STK3: variants seen among roughly 807,000 people sequenced by gnomAD.
The protein encoded by STK3 is serine/threonine-protein kinase 3.
STK3 carries 41 observed loss-of-function variants against 58.0 expected under a neutral mutation model. That is an observed-to-expected ratio of 0.71 (90% confidence interval 0.55 to 0.92). The LOEUF is 0.92. Ranked by LOEUF, STK3 falls within the 40% of genes least tolerant of loss-of-function variation. STK3 has a pLI of 0.00. For missense variants in STK3, 479 were observed against 602.7 expected, an observed-to-expected ratio of 0.79 and a Z score of 2.15; for synonymous variants, 170 against 191.0, an observed-to-expected ratio of 0.89 and a Z score of 0.91.
At chr8:98,674,828 TTTTC>T (rs1823082243) in intron 6 of STK3, among the ~76,000 whole-genome samples, 1 of 152,208 alleles carries the variant, frequency 6.6e-6, no homozygotes, top group Admixed American at 6.5e-5. Flanking sequence ...TGTTTTTTTG[TTTTC>T]TTTGTCATGA....
At chr8:98,686,943 A>C (rs1036836132) in intron 6 of STK3, among the ~76,000 whole-genome samples, 2 of 152,198 alleles carry the variant, frequency 1.3e-5, no homozygotes, top group South Asian at 4.1e-4. Context: ...AAATGACCAA[A>C]TATGTGACTT....
At chr8:98,651,715 G>A (rs1479294593) in intron 6 of STK3, 12 of 152,234 alleles carry the variant, frequency 7.9e-5, no homozygotes, top group African/African-American at 1.7e-4. Flanking sequence ...AGGAGCTGAT[G>A]TGATCAACTG....
In STK3 at chr8:98,866,590, G is replaced by A. The variant is rs75620676; in HGVS notation, c.110+17057C>T. On this transcript the variant is annotated intron_variant, in intron 3 of 12. Transcript: ENST00000523601. ...ACGCTGGAAAGAGTTTATTGAATAC[G>A]TACCGTGTGTCAGATGTTCTCTATA... Among the ~76,000 whole-genome samples, 22 of 152,282 alleles carry A rather than the reference G, an allele frequency of 1.4e-4. No individual in the cohort carries two copies. In the East Asian group the frequency reaches 2.1e-3, roughly 15 times the overall value.
intron 1 of STK3, among the ~76,000 whole-genome samples, chr8:98,442,032 A>G (rs1449840225): frequency 6.6e-6 from 1 of 152,148 alleles, no homozygotes; most frequent in African/African-American, 2.4e-5. Flanking sequence ...ACCCACTCCT[A>G]TTCCAATAAA....
chr8:98,540,208 A>G (rs1264783435), intron 9 of STK3, among the ~76,000 whole-genome samples: 1 of 152,224 alleles, frequency 6.6e-6, no homozygotes, highest in Non-Finnish European at 1.5e-5. Context: ...CTGAGAGCAG[A>G]GGGAAGCTGT....
At chr8:98,571,556 A>G (rs1812968642) in intron 8 of STK3, among the ~76,000 whole-genome samples, 1 of 152,194 alleles carries the variant, frequency 6.6e-6, no homozygotes, top group Non-Finnish European at 1.5e-5. Context: ...TTATTCAGAC[A>G]TTAAGGACCG....
At chr8:98,900,957 C>T (rs1053766647) in intron 1 of STK3, among the ~76,000 whole-genome samples, 5 of 152,102 alleles carry the variant, frequency 3.3e-5, no homozygotes, top group African/African-American at 1.2e-4. Context: ...CCACTGCACC[C>T]GGCCTATAGT....
chr8:98,862,454 T>C (rs370879061), intron 3 of STK3, among the ~76,000 whole-genome samples: 226 of 152,340 alleles, frequency 1.5e-3, no homozygotes, highest in African/African-American at 5.2e-3. Context: ...AAACATTTTT[T>C]ACACTGCCTG....
At chr8:98,416,561 G>A (rs1051470732) in intron 3 of STK3, among the ~76,000 whole-genome samples, 2 of 152,184 alleles carry the variant, frequency 1.3e-5, no homozygotes, top group African/African-American at 4.8e-5. Context: ...CAGTGCAGGT[G>A]GGAGAGGGTC....
At chr8:98,726,542 A>G (rs1194049923) in intron 4 of STK3, among the ~76,000 whole-genome samples, 1 of 152,150 alleles carries the variant, frequency 6.6e-6, no homozygotes, top group African/African-American at 2.4e-5. Context: ...CAGAACTCAT[A>G]CTCACTCCAT....
At chr8:98,940,578 C>T (rs1410550513) in intron 1 of STK3, among the ~76,000 whole-genome samples, 1 of 152,160 alleles carries the variant, frequency 6.6e-6, no homozygotes, top group Admixed American at 6.5e-5. Context: ...AGGAACGACC[C>T]TCAGCTCCCG....
chr8:98,939,540 G>A (rs1272534951), intron 1 of STK3, among the ~76,000 whole-genome samples: 1 of 152,212 alleles, frequency 6.6e-6, no homozygotes, highest in African/African-American at 2.4e-5. Flanking sequence ...GAAATGGAAC[G>A]TCCAAGGCAA....
intron 1 of STK3, chr8:98,889,751 A>G (rs1056032514): frequency 3.9e-5 from 6 of 152,208 alleles, no homozygotes; most frequent in African/African-American, 1.4e-4. Flanking sequence ...AGGGCTTGTT[A>G]AAATACAGAT....
intron 1 of STK3, among the ~76,000 whole-genome samples, chr8:98,918,422 A>T (rs1381071662): frequency 6.6e-6 from 1 of 152,200 alleles, no homozygotes; most frequent in Non-Finnish European, 1.5e-5. Flanking sequence ...CTCTGCTGAG[A>T]TCCAGAACTA....
At chr8:98,568,107 AGATAGACT>A (rs1293791734) in intron 8 of STK3, among the ~76,000 whole-genome samples, 2 of 146,108 alleles carry the variant, frequency 1.4e-5, no homozygotes, top group Non-Finnish European at 3.1e-5. Context: ...ATAGATAGAT[AGATAGACT>A]GATTTAAAAA....
chr8:98,347,732 C>T, the STK3 span, among the ~76,000 whole-genome samples: 1 of 152,040 alleles, frequency 6.6e-6, no homozygotes, highest in African/African-American at 2.4e-5. Flanking sequence ...CAAGACTGAC[C>T]TATATGTTGC....
At chr8:98,714,408 T>A (rs1011630961) in intron 4 of STK3, among the ~76,000 whole-genome samples, 2 of 152,190 alleles carry the variant, frequency 1.3e-5, no homozygotes, top group African/African-American at 2.4e-5. Context: ...AAAATCTCCT[T>A]AAGCCAACAG....
chr8:98,855,761 C>T (rs1836644619), intron 3 of STK3, among the ~76,000 whole-genome samples: 1 of 152,144 alleles, frequency 6.6e-6, no homozygotes. Flanking sequence ...TCTCTCACAT[C>T]TGTAATCTCA....
chr8:98,400,289 T>C (rs1408547678), downstream of STK3, among the ~76,000 whole-genome samples: 2 of 152,210 alleles, frequency 1.3e-5, no homozygotes, highest in Non-Finnish European at 2.9e-5. Flanking sequence ...CCGTGAGCCC[T>C]GGACTCATTT....
Sources: gnomAD v4.1 joint callset for allele counts (sites outside exome capture counted in the v4.1 genomes callset) on GRCh38, gnomAD v4.1.1 for gene constraint, MANE v1.5 for transcripts, NCBI Gene and HGNC (gene_info 2026-07-23, HGNC 2026-07-21) for gene names.